The following AKAP10 variants were observed in gnomAD, a reference collection of about 807,000 sequenced individuals.
The protein encoded by AKAP10 is A-kinase anchoring protein 10, also known as A-kinase anchor protein 10, mitochondrial.
Under a neutral mutation model 80.8 loss-of-function variants are expected in AKAP10, and 24 were observed. The observed-to-expected ratio is 0.30, with a 90% CI of 0.22 to 0.42. The LOEUF is 0.42. Ranked by LOEUF, AKAP10 falls within the 10% of genes least tolerant of loss-of-function variation. The pLI, the probability that AKAP10 is intolerant of heterozygous loss-of-function variation, is 1.00. For missense variants in AKAP10, 661 were observed against 794.9 expected (o/e 0.83, Z 2.03); for synonymous variants, 291 against 277.7 (o/e 1.05, Z -0.48).
chr17:19,907,410 C>CTT lies in AKAP10; in HGVS notation c.1984-1180_1984-1179dup, dbSNP rs59027197. Among the ~76,000 whole-genome samples the CTT allele has an allele frequency of 3.0e-4, 41 of 136,390 alleles. 1 individual carries two copies. Among genetic ancestry groups the CTT allele is most frequent in the Non-Finnish European group, 4.2e-4 (26 of 62,548 alleles). The allele number at this position is 136,390 out of a possible 152,430, so 89.5% of individuals were successfully genotyped here. On this transcript the variant is annotated intron_variant, in intron 14 of 14. Transcript: ENST00000225737. ...CTCATTATACTCTTGTTTTCTTTAA[C>CTT]TTTTTTTTTTTTTTTTTTGAGACAG...
chr17:19,928,656 C>T (rs558426422), intron 10 of AKAP10, among the ~76,000 whole-genome samples: 1 of 152,318 alleles, frequency 6.6e-6, no homozygotes, highest in East Asian at 1.9e-4. Context: ...ATGGGTGGAT[C>T]ACTTGAGGTC....
chr17:19,976,229 G>A (rs2043564471), intron 1 of AKAP10, among the ~76,000 whole-genome samples: 1 of 152,146 alleles, frequency 6.6e-6, no homozygotes, highest in South Asian at 2.1e-4. Context: ...GCTCATGCCT[G>A]TAATCCTGGC....
chr17:19,912,741 G>A (rs1329086843), intron 12 of AKAP10, among the ~76,000 whole-genome samples: 1 of 152,080 alleles, frequency 6.6e-6, no homozygotes, highest in Non-Finnish European at 1.5e-5. Flanking sequence ...CTTTTCCTCT[G>A]TGCTCTATTA....
intron 12 of AKAP10, among the ~76,000 whole-genome samples, chr17:19,913,764 G>A (rs970430227): frequency 1.3e-5 from 2 of 152,158 alleles, no homozygotes; most frequent in Admixed American, 6.5e-5. Context: ...TGTCAGTGTG[G>A]CAAAGGGCAA....
At chr17:19,910,109 C>A in intron 12 of AKAP10, 131 bp from the exon 13 acceptor site, 1 of 764,166 alleles carries the variant, frequency 1.3e-6, no homozygotes, top group East Asian at 2.8e-5. Flanking sequence ...GGGTGATTCA[C>A]CTGAGGTTAA....
At chr17:19,972,399 CT>C (rs2043509295) in intron 1 of AKAP10, among the ~76,000 whole-genome samples, 1 of 152,152 alleles carries the variant, frequency 6.6e-6, no homozygotes, top group Non-Finnish European at 1.5e-5. Flanking sequence ...TAAATCTTCT[CT>C]TCTAGAAGTA....
At chr17:19,951,892 A>T (rs1449580423) in intron 4 of AKAP10, among the ~76,000 whole-genome samples, 1 of 151,148 alleles carries the variant, frequency 6.6e-6, no homozygotes, top group Non-Finnish European at 1.5e-5. Context: ...ATGATCAACA[A>T]ATACTAAAAA....
At position 19,936,408 on chromosome 17, in the gene AKAP10, G is replaced by A. The variant is rs766194899; in HGVS notation, c.1345C>T (p.His449Tyr). Residue 449 changes from histidine (H) to tyrosine (Y), a missense_variant, in exon 9 of 15, where the codon CAT (histidine) becomes TAT (tyrosine). Transcript: ENST00000225737. ...ACAACATCATCAAATCCAAGAGGAT[G>A]TGTGGCTTGGAGGGAGAAGTACCTA... Reference protein sequence around the residue: ...YDKYFSLQATHPLGFDDVVRL... With the variant: ...YDKYFSLQATYPLGFDDVVRL... The A allele has an allele frequency of 1.9e-6, 3 of 1,612,502 alleles. No individual in the cohort carries two copies. The highest frequency in any genetic ancestry group is 3.3e-5 in the Admixed American group (2 of 59,958).
chr17:19,947,651 G>A (rs148953364), intron 4 of AKAP10, 146 bp from the exon 5 acceptor site: 1 of 689,668 alleles, frequency 1.4e-6, no homozygotes, highest in African/African-American at 1.8e-5. Flanking sequence ...TCATTGTTTG[G>A]TTTGTGGAAG....
rs1389563566 is a variant in AKAP10, at chr17:19,962,917, T to A, written c.242A>T (p.Asp81Val). 1 of 1,613,862 alleles carries A rather than the reference T, an allele frequency of 6.2e-7. No homozygotes were observed. Among genetic ancestry groups the A allele is most frequent in the Non-Finnish European group, 8.5e-7 (1 of 1,179,898 alleles). The change falls in exon 3 of 15, where the codon GAC (aspartate) becomes GTC (valine). Residue 81 changes from aspartate (D) to valine (V), a missense_variant. Coordinates refer to ENST00000225737, the MANE Select transcript of AKAP10 (RefSeq NM_007202.4). Reference sequence around the variant, plus strand: ...GGCTGTCCTGCTACTTGAAAAGGAGTCCATGTTGGCAGAAATGGCATTGAT... The same window carrying A: ...GGCTGTCCTGCTACTTGAAAAGGAGACCATGTTGGCAGAAATGGCATTGAT... ...VAINAISANM[D>V]SFSSSRTATL... is the part of the protein sequence containing the mutation.
At chr17:19,919,668 A>G (rs1342990902) in intron 12 of AKAP10, among the ~76,000 whole-genome samples, 1 of 151,840 alleles carries the variant, frequency 6.6e-6, no homozygotes, top group East Asian at 1.9e-4. Flanking sequence ...TGGGTGACAG[A>G]GCAAGAACTG....
chr17:19,968,608 G>A, intron 1 of AKAP10, 147 bp from the exon 2 acceptor site: 2 of 622,958 alleles, frequency 3.2e-6, no homozygotes, highest in Non-Finnish European at 5.5e-6. Flanking sequence ...CAGGAGGGTA[G>A]TTGTCAGCAA....
At chr17:19,921,055 A>C (rs1294019132) in intron 11 of AKAP10, among the ~76,000 whole-genome samples, 1 of 151,798 alleles carries the variant, frequency 6.6e-6, no homozygotes, top group African/African-American at 2.4e-5. Context: ...TAATGTGAAA[A>C]AGAGATGAAC....
At chr17:19,971,845 T>C (rs1479362995) in intron 1 of AKAP10, among the ~76,000 whole-genome samples, 2 of 152,134 alleles carry the variant, frequency 1.3e-5, no homozygotes, top group African/African-American at 4.8e-5. Context: ...GCCAGGAGCA[T>C]TGGCTCACGC....
intron 14 of AKAP10, among the ~76,000 whole-genome samples, chr17:19,908,574 T>G (rs1029731692): frequency 3.3e-5 from 5 of 152,208 alleles, no homozygotes; most frequent in African/African-American, 1.2e-4. Context: ...TCTACGGCTT[T>G]CTTTCTGGGC....
intron 1 of AKAP10, among the ~76,000 whole-genome samples, chr17:19,973,166 G>A (rs1284889980): frequency 6.6e-6 from 1 of 152,098 alleles, no homozygotes; most frequent in African/African-American, 2.4e-5. Context: ...TTTTAGTAGA[G>A]ACAGGGTTTC....
intron 12 of AKAP10, among the ~76,000 whole-genome samples, chr17:19,918,428 G>A (rs1017201274): frequency 1.3e-5 from 2 of 152,070 alleles, no homozygotes; most frequent in Non-Finnish European, 2.9e-5. Flanking sequence ...CAGCTACTCA[G>A]GAGCCTGAGG....
At chr17:19,928,762 C>T (rs1567757034) in intron 10 of AKAP10, among the ~76,000 whole-genome samples, 1 of 152,010 alleles carries the variant, frequency 6.6e-6, no homozygotes, top group African/African-American at 2.4e-5. Context: ...CCCAGATACT[C>T]GGGAGGCTGA....
rs1474039934 is a variant in AKAP10 at position 19,934,048 on chromosome 17, A to C, written c.1468-2070T>G. Among the ~76,000 whole-genome samples the C allele has an allele frequency of 2.6e-5, 4 of 152,048 alleles. No homozygotes were observed. The East Asian group carries it at 7.7e-4, about 29-fold the overall frequency. ...GAGATTTTCCTGCCTCAGCCTCCTA[A>C]GTAGCTGGGATTACAGGCATGCACC... On this transcript the variant is annotated intron_variant, in intron 9 of 14. Transcript: ENST00000225737.
Sources: allele counts gnomAD v4.1 joint callset (sites outside exome capture counted in the v4.1 genomes callset), GRCh38; gene constraint gnomAD v4.1.1; transcripts MANE v1.5; gene names NCBI Gene and HGNC (gene_info 2026-07-23, HGNC 2026-07-21).